Variants in F13A1 observed in about 807,000 individuals in gnomAD.
The protein encoded by F13A1 is FSF, A subunit.
Under a neutral mutation model 80.1 loss-of-function variants are expected in F13A1, and 47 were observed. The observed-to-expected ratio is 0.59, with a 90% CI of 0.46 to 0.75. F13A1 has a LOEUF of 0.75. Among genes scored for constraint, F13A1 ranks in the 30% least tolerant of loss-of-function variants. The pLI is 0.00. For missense variants in F13A1, 817 were observed against 930.4 expected (o/e 0.88, Z 1.59); for synonymous variants, 349 against 344.9 (o/e 1.01, Z -0.13).
At chr6:6,229,811 C>A (rs1757326266) in intron 6 of F13A1, among the ~76,000 whole-genome samples, 3 of 152,194 alleles carry the variant, frequency 2.0e-5, no homozygotes, top group Non-Finnish European at 4.4e-5. Context: ...CCCTCCTCTC[C>A]CGAACACAAA....
intron 11 of F13A1, among the ~76,000 whole-genome samples, chr6:6,180,212 A>G (rs77367848): frequency 0.031 from 4,760 of 152,180 alleles, 98 homozygotes; most frequent in South Asian, 0.064. Context: ...TCATCTGCCA[A>G]TTCTTGTGTG....
Position 6,271,054 on chromosome 6 carries a change from T to G in F13A1, c.320-4245A>C, listed in dbSNP as rs147049614. Reference sequence around the variant, plus strand: ...TGATGCCACGTGGCCCGGGAACAGGTTATGGAAGCGTTATCAGGGACAGGG... The same window carrying G: ...TGATGCCACGTGGCCCGGGAACAGGGTATGGAAGCGTTATCAGGGACAGGG... On this transcript the variant is annotated intron_variant, in intron 3 of 14. Transcript: ENST00000264870. 8.9e-4 allele frequency among the ~76,000 whole-genome samples: 131 copies of G among 146,666 alleles called. 1 individual carries two copies. The East Asian group carries it at 0.015, about 16-fold the overall frequency.
chr6:6,183,676 A>T (rs1761027511), intron 10 of F13A1, among the ~76,000 whole-genome samples: 2 of 152,326 alleles, frequency 1.3e-5, no homozygotes, highest in Admixed American at 1.3e-4. Context: ...CTTTGGGAGC[A>T]CATGGGGCAG....
chr6:6,254,478 G>A (rs1244468976), intron 4 of F13A1, among the ~76,000 whole-genome samples: 1 of 152,084 alleles, frequency 6.6e-6, no homozygotes, highest in Admixed American at 6.6e-5. Context: ...TATAGAAAAC[G>A]CTCCAAGATA....
At chr6:6,227,522 C>A (rs1561661408) in intron 6 of F13A1, among the ~76,000 whole-genome samples, 1 of 152,168 alleles carries the variant, frequency 6.6e-6, no homozygotes, top group African/African-American at 2.4e-5. Flanking sequence ...CTTCTCCTTG[C>A]AGTTGGATTG....
intron 6 of F13A1, among the ~76,000 whole-genome samples, chr6:6,233,393 G>T (rs1757376752): frequency 6.6e-6 from 1 of 151,924 alleles, no homozygotes; most frequent in Non-Finnish European, 1.5e-5. Flanking sequence ...CCTAGCTTAA[G>T]TCAGGAAGAA....
At chr6:6,170,223 T>A (rs1367020566) in intron 12 of F13A1, among the ~76,000 whole-genome samples, 6 of 152,250 alleles carry the variant, frequency 3.9e-5, no homozygotes, top group African/African-American at 9.6e-5. Flanking sequence ...TTCTTCTGAC[T>A]ATTTCTAGAG....
chr6:6,146,749 GT>G (rs1760287420), intron 14 of F13A1, among the ~76,000 whole-genome samples: 1 of 152,054 alleles, frequency 6.6e-6, no homozygotes, highest in African/African-American at 2.4e-5. Flanking sequence ...TTGAACCCGG[GT>G]TTTTCTGAGT....
chr6:6,305,796 G>A (rs1758505075), intron 2 of F13A1: 6 of 491,050 alleles, frequency 1.2e-5, no homozygotes, highest in Non-Finnish European at 2.2e-5. Context: ...CTGTGGGATA[G>A]ATGGATGCCT....
In F13A1 at chr6:6,182,156, G is replaced by A. The variant is rs1761000018; in HGVS notation, c.1306-15C>T. 6.2e-7 allele frequency: 1 copy of A among 1,613,556 alleles called. No individual in the cohort carries two copies. On this transcript the variant is annotated splice_polypyrimidine_tract_variant and intron_variant, in intron 10 of 14. Coordinates refer to ENST00000264870, the MANE Select transcript of F13A1 (RefSeq NM_000129.4). ...TCGCTGTTGACCTGGAAACAGGAGA[G>A]GAGAGCATTAGCCATCATCACATGT...
intron 4 of F13A1, among the ~76,000 whole-genome samples, chr6:6,255,006 G>A (rs1275842160): frequency 6.6e-6 from 1 of 152,064 alleles, no homozygotes; most frequent in Admixed American, 6.5e-5. Flanking sequence ...GCAATATAGG[G>A]TTGTGCTCTT....
intron 8 of F13A1, chr6:6,206,484 A>G: frequency 2.1e-6 from 1 of 471,530 alleles, no homozygotes; most frequent in Non-Finnish European, 4.4e-6. Flanking sequence ...AAGTTATTAC[A>G]ATGACCTCTG....
chr6:6,182,390 T>G (rs182409525), intron 10 of F13A1, among the ~76,000 whole-genome samples: 62 of 152,256 alleles, frequency 4.1e-4, no homozygotes, highest in Non-Finnish European at 3.7e-4. Context: ...GAAGCAACCA[T>G]TTTTCTCCCT....
intron 14 of F13A1, among the ~76,000 whole-genome samples, chr6:6,150,086 T>C (rs1323495565): frequency 6.6e-6 from 1 of 152,116 alleles, no homozygotes; most frequent in African/African-American, 2.4e-5. Context: ...TTGACCAAGG[T>C]GGAATTCTAG....
intron 3 of F13A1, among the ~76,000 whole-genome samples, chr6:6,283,332 G>A (rs1758091879): frequency 6.6e-6 from 1 of 152,240 alleles, no homozygotes. Context: ...TCCTGGACTA[G>A]CTTCTGTTGC....
chr6:6,286,406 TAAGTCA>T (rs1303947575), intron 3 of F13A1, among the ~76,000 whole-genome samples: 1 of 152,140 alleles, frequency 6.6e-6, no homozygotes, highest in Non-Finnish European at 1.5e-5. Flanking sequence ...ACAAAAACCC[TAAGTCA>T]AAGTCAAACT....
At chr6:6,265,160 T>C in intron 4 of F13A1, among the ~76,000 whole-genome samples, 1 of 152,250 alleles carries the variant, frequency 6.6e-6, no homozygotes, top group East Asian at 1.9e-4. Flanking sequence ...GTGTATGTTC[T>C]AGATGAGTAG....
At chr6:6,304,683 G>A (rs1171158316) in intron 3 of F13A1, among the ~76,000 whole-genome samples, 1 of 151,950 alleles carries the variant, frequency 6.6e-6, no homozygotes, top group Non-Finnish European at 1.5e-5. Context: ...ACAACATGGT[G>A]AAACTCTGCC....
chr6:6,279,642 C>T (rs773974068), intron 3 of F13A1, among the ~76,000 whole-genome samples: 1 of 152,044 alleles, frequency 6.6e-6, no homozygotes, highest in Non-Finnish European at 1.5e-5. Flanking sequence ...GAACACATGC[C>T]GTAAAGAATC....
Sources: gnomAD v4.1 joint callset for allele counts (sites outside exome capture counted in the v4.1 genomes callset) on GRCh38, gnomAD v4.1.1 for gene constraint, MANE v1.5 for transcripts, NCBI Gene and HGNC (gene_info 2026-07-23, HGNC 2026-07-21) for gene names.